Variants in CXorf58 observed in about 807,000 individuals in gnomAD.
CXorf58 encodes uncharacterized protein CXorf58.
In CXorf58, 24 loss-of-function variants were observed where a neutral mutation model predicts 26.0. The ratio of observed to expected loss-of-function variants is 0.92; its 90% CI spans 0.67 to 1.30. The LOEUF (loss-of-function observed/expected upper bound fraction) is 1.30, where lower values mean the gene tolerates loss of function less well. Ranked by LOEUF, CXorf58 falls within the 50% of genes most tolerant of loss-of-function variation. The pLI, the probability that CXorf58 is intolerant of heterozygous loss-of-function variation, is 0.00. For synonymous variants in CXorf58, 87 were observed against 86.1 expected (o/e 1.01, Z -0.06); for missense variants, 236 against 263.9 (o/e 0.89, Z 0.73).
In CXorf58 at chrX:23,935,402, G is replaced by A. The variant is rs200347693; in HGVS notation, c.762G>A (p.Gln254=). The stretch of plus-strand genomic sequence containing the variant: ...TAACGCAAGAGATCCATAAGCACCA[G>A]CTACGGATTGTTTCTGAAATTAGGT... The part of the protein sequence containing the change: ...RPVTQEIHKH[Q]LRIVSEIRGP... The change falls in exon 7 of 9, where the codon CAG becomes CAA. Residue 254 remains glutamine (Q), a synonymous_variant. Coordinates refer to ENST00000379211, the MANE Select transcript of CXorf58 (RefSeq NM_152761.3). 26 of 1,197,287 alleles carry A rather than the reference G, an allele frequency of 2.2e-5. No homozygotes were observed. The highest frequency in any genetic ancestry group is 1.5e-4 in the Admixed American group (7 of 45,518).
chrX:23,910,297 G>C lies in CXorf58; in HGVS notation c.-6G>C. 5.4e-6 allele frequency: 6 copies of C among 1,104,141 alleles called. No individual in the cohort carries two copies. The highest frequency in any genetic ancestry group is 7.5e-6 in the Non-Finnish European group (6 of 803,163). 91.0% of individuals were successfully genotyped at this position (1,104,141 alleles called of 1,213,427 possible). ...TGTACTTTCAGATTACTTCATTGGA[G>C]GGAAAATGAATCGTTCCTCAAATGT... On this transcript the variant is annotated 5_prime_UTR_variant, in exon 2 of 9. Transcript: ENST00000379211.
intron 5 of CXorf58, among the ~76,000 whole-genome samples, chrX:23,924,302 T>TTTTA (rs537677465): frequency 0.16 from 16,498 of 100,317 alleles, 1,527 homozygotes; most frequent in East Asian, 0.52. Flanking sequence ...ACTATCTTTA[T>TTTTA]TTTATTTATT....
intron 6 of CXorf58, among the ~76,000 whole-genome samples, chrX:23,929,938 C>G (rs963904171): frequency 9.0e-6 from 1 of 111,359 alleles, no homozygotes; most frequent in African/African-American, 3.3e-5. Context: ...TGGCTCAGGC[C>G]TGTAATCCCA....
intron 5 of CXorf58, among the ~76,000 whole-genome samples, chrX:23,922,587 C>T (rs1349965527): frequency 8.9e-6 from 1 of 111,823 alleles, no homozygotes; most frequent in Non-Finnish European, 1.9e-5. Flanking sequence ...ACATTATTCC[C>T]ATTTTCCCTA....
intron 5 of CXorf58, among the ~76,000 whole-genome samples, chrX:23,922,965 C>T (rs1927907623): frequency 8.9e-6 from 1 of 111,851 alleles, no homozygotes; most frequent in Admixed American, 9.5e-5. Flanking sequence ...TAGAGATGGC[C>T]CGCTTTGACG....
chrX:23,917,638 G>A (rs1226959058), intron 5 of CXorf58, among the ~76,000 whole-genome samples: 4 of 109,109 alleles, frequency 3.7e-5, no homozygotes, highest in African/African-American at 1.0e-4. Context: ...GGCTGGTCTC[G>A]AACTCCTGAC....
Position 23,935,323 on chromosome X carries a change from G to A in CXorf58, c.683G>A (p.Gly228Glu), listed in dbSNP as rs1928270880. ...GACATAGTTCATTATTCAGAGTCTG[G>A]AGTGATCTCAAACCGTCTACGAAAT... is the stretch of plus-strand genomic sequence containing the variant. The part of the protein sequence containing the change: ...MYDIVHYSES[G>E]VISNRLRNEM... The change falls in exon 7 of 9, where the codon GGA becomes GAA. Residue 228 changes from glycine (G) to glutamate (E), a missense_variant. Physicochemically the swap from Gly to Glu is moderately conservative, Grantham distance 98. Coordinates refer to ENST00000379211, the MANE Select transcript of CXorf58 (RefSeq NM_152761.3). 2 of 1,207,529 alleles carry A rather than the reference G, an allele frequency of 1.7e-6. No homozygotes were observed. The highest frequency in any genetic ancestry group is 2.2e-6 in the Non-Finnish European group (2 of 893,105).
intron 5 of CXorf58, among the ~76,000 whole-genome samples, chrX:23,921,661 T>C (rs1316533110): frequency 9.0e-6 from 1 of 111,520 alleles, no homozygotes; most frequent in African/African-American, 3.3e-5. Flanking sequence ...TTTTTGTTTG[T>C]TTTTGTTTTT....
chrX:23,928,144 C>T (rs1449060917), intron 6 of CXorf58, among the ~76,000 whole-genome samples: 1 of 110,377 alleles, frequency 9.1e-6, no homozygotes, highest in African/African-American at 3.3e-5. Flanking sequence ...GTGATAGTTG[C>T]ACAACATTGT....
intron 3 of CXorf58, among the ~76,000 whole-genome samples, chrX:23,912,781 A>C (rs1927618326): frequency 8.9e-6 from 1 of 111,980 alleles, no homozygotes; most frequent in African/African-American, 3.2e-5. Flanking sequence ...CTTACCTTTT[A>C]TCCAGCAATT....
chrX:23,933,795 G>A (rs1353609105), intron 6 of CXorf58, among the ~76,000 whole-genome samples: 3 of 109,795 alleles, frequency 2.7e-5, no homozygotes, highest in Non-Finnish European at 5.7e-5. Flanking sequence ...CAGGAGAATC[G>A]CTTGAACCCA....
At chrX:23,923,651 A>C (rs1390564792) in intron 5 of CXorf58, among the ~76,000 whole-genome samples, 3 of 106,071 alleles carry the variant, frequency 2.8e-5, no homozygotes, top group African/African-American at 6.9e-5. Flanking sequence ...AAAAAAAAAA[A>C]AAAACCCTAA....
intron 5 of CXorf58, among the ~76,000 whole-genome samples, chrX:23,924,592 G>A (rs1927956398): frequency 9.3e-6 from 1 of 107,085 alleles, no homozygotes; most frequent in Non-Finnish European, 1.9e-5. Context: ...CAGAGTGCTG[G>A]GATTACAGGT....
intron 3 of CXorf58, among the ~76,000 whole-genome samples, chrX:23,913,705 G>C (rs755157564): frequency 1.8e-5 from 2 of 109,346 alleles, no homozygotes; most frequent in East Asian, 6.1e-4. Flanking sequence ...AGGAGTTCGA[G>C]ACCAGTCCGG....
At chrX:23,915,115 C>T (rs911654418) in intron 3 of CXorf58, among the ~76,000 whole-genome samples, 14 of 112,650 alleles carry the variant, frequency 1.2e-4, no homozygotes, top group African/African-American at 2.6e-4. Flanking sequence ...GCCTGGGCGA[C>T]GGAGCGAGAC....
intron 5 of CXorf58, among the ~76,000 whole-genome samples, chrX:23,923,575 G>A (rs1854700136): frequency 1.9e-5 from 2 of 106,652 alleles, no homozygotes; most frequent in Admixed American, 1.0e-4. Flanking sequence ...GGAGGCAGAG[G>A]TTACAGTGAG....
chrX:23,938,437 A>G, intron 7 of CXorf58, 110 bp from the exon 8 acceptor site: 2 of 542,243 alleles, frequency 3.7e-6, no homozygotes, highest in Non-Finnish European at 5.7e-6. Context: ...CAATGTTGCT[A>G]AGGTCTGTGA....
At chrX:23,937,235 C>T (rs1246626264) in intron 7 of CXorf58, among the ~76,000 whole-genome samples, 2 of 110,406 alleles carry the variant, frequency 1.8e-5, no homozygotes, top group East Asian at 2.8e-4. Context: ...TAATCTCCCC[C>T]GGGAATGTCA....
chrX:23,937,837 G>A (rs182212129), intron 7 of CXorf58, among the ~76,000 whole-genome samples: 5 of 110,996 alleles, frequency 4.5e-5, no homozygotes, highest in Admixed American at 3.9e-4. Flanking sequence ...CATAGCATCT[G>A]ATCCCAGCAC....
Sources: allele counts gnomAD v4.1 joint callset (sites outside exome capture counted in the v4.1 genomes callset), GRCh38; gene constraint gnomAD v4.1.1; transcripts MANE v1.5; gene names NCBI Gene and HGNC (gene_info 2026-07-23, HGNC 2026-07-21).